Variants in NCKAP1 observed in about 807,000 individuals in gnomAD.
NCKAP1 encodes nck-associated protein 1.
Under a neutral mutation model 151.2 loss-of-function variants are expected in NCKAP1, and 21 were observed. The ratio of observed to expected loss-of-function variants is 0.14; its 90% CI spans 0.10 to 0.20. The LOEUF (loss-of-function observed/expected upper bound fraction) is 0.20. Ranked by LOEUF, NCKAP1 falls within the 10% of genes least tolerant of loss-of-function variation. The probability of loss-of-function intolerance (pLI) is 1.00; values close to 1 mark genes in which losing one functional copy is unlikely to be tolerated. For missense variants in NCKAP1, 933 were observed against 1,352.1 expected (o/e 0.69, Z 4.86); for synonymous variants, 484 against 451.8 (o/e 1.07, Z -0.90).
At chr2:183,013,849 T>C (rs901351380) in intron 2 of NCKAP1, among the ~76,000 whole-genome samples, 1 of 152,186 alleles carries the variant, frequency 6.6e-6, no homozygotes. Context: ...TCCTTGTTCC[T>C]GAACATGCCA....
chr2:183,037,753 C>T (rs1699131689), intron 1 of NCKAP1, among the ~76,000 whole-genome samples: 1 of 152,140 alleles, frequency 6.6e-6, no homozygotes, highest in South Asian at 2.1e-4. Flanking sequence ...CCGATCCCGC[C>T]GCCGGGAGCC....
intron 8 of NCKAP1, among the ~76,000 whole-genome samples, chr2:182,992,879 T>C (rs2105865870): frequency 6.6e-6 from 1 of 152,320 alleles, no homozygotes; most frequent in East Asian, 1.9e-4. Context: ...CTGAATCTAG[T>C]AATAAAAACT....
chr2:182,976,300 C>CT (rs1697822293), intron 15 of NCKAP1, among the ~76,000 whole-genome samples: 1 of 152,126 alleles, frequency 6.6e-6, no homozygotes, highest in Non-Finnish European at 1.5e-5. Context: ...AATGAACACT[C>CT]TAAGTCTAAT....
intron 1 of NCKAP1, among the ~76,000 whole-genome samples, chr2:183,029,079 T>C (rs1189148513): frequency 6.6e-6 from 1 of 151,936 alleles, no homozygotes; most frequent in Non-Finnish European, 1.5e-5. Flanking sequence ...ATCGCGCCAC[T>C]GCACTCCAGC....
rs746124421 is a variant in NCKAP1 at position 182,964,530 on chromosome 2, G to C, written c.1761+146C>G. 8.0e-6 allele frequency: 4 copies of C among 500,824 alleles called. No individual in the cohort carries two copies. The East Asian group carries it at 1.4e-4, about 17-fold the overall frequency. 31.0% of individuals were successfully genotyped at this position (500,824 alleles called of 1,614,324 possible). On this transcript the variant is annotated intron_variant, in intron 17 of 30. Transcript: ENST00000361354. The stretch of plus-strand genomic sequence containing the variant: ...ATATATATATTAAACCTATGTATCT[G>C]TTCAAGCACTTTTCTGATTCTGCAT...
intron 8 of NCKAP1, 104 bp downstream of exon 8, chr2:182,994,735 G>C: frequency 1.1e-6 from 1 of 891,702 alleles, no homozygotes; most frequent in South Asian, 1.5e-5. Flanking sequence ...ACATAGATGG[G>C]TTAGCACAAT....
intron 24 of NCKAP1, among the ~76,000 whole-genome samples, chr2:182,937,445 G>A (rs1033758131): frequency 6.6e-6 from 1 of 152,120 alleles, no homozygotes; most frequent in African/African-American, 2.4e-5. Flanking sequence ...GTGGGTCTTG[G>A]ACCAGGCAAA....
rs2105802243 is a variant in NCKAP1 at position 182,932,922 on chromosome 2, T to TCA, written c.2859+1829_2859+1830insTG. Among the ~76,000 whole-genome samples the TCA allele has an allele frequency of 2.6e-5, 4 of 152,278 alleles. No homozygotes were observed. The South Asian group carries it at 8.3e-4, about 32-fold the overall frequency. Reference sequence around the variant, plus strand: ...TCACAAGACAATCACTGATCTCAAATGTTTATTCTGCACAAAACACTGTAA... The same window carrying TCA: ...TCACAAGACAATCACTGATCTCAAATCAGTTTATTCTGCACAAAACACTGTAA... On this transcript the variant is annotated intron_variant, in intron 26 of 30. Coordinates refer to ENST00000361354, the MANE Select transcript of NCKAP1 (RefSeq NM_013436.5).
rs1696435273 is a variant in NCKAP1, at chr2:182,914,238, G to A, written c.*11464C>T. The A allele has an allele frequency of 6.6e-6, 1 of 152,146 alleles. No individual in the cohort carries two copies. The allele number at this position is 152,146 out of a possible 1,614,324, so 9.4% of individuals were successfully genotyped here. On this transcript the variant is annotated 3_prime_UTR_variant, in exon 31 of 31. Transcript: ENST00000361354. ...TTCTGTCCTCAGTATCTAGCACATAGTAGGTATTTTAAAAACTATATTCAT... is the reference window on the plus strand; with the variant it reads ...TTCTGTCCTCAGTATCTAGCACATAATAGGTATTTTAAAAACTATATTCAT...
intron 24 of NCKAP1, among the ~76,000 whole-genome samples, chr2:182,938,846 G>A (rs1243983056): frequency 6.6e-6 from 1 of 152,160 alleles, no homozygotes; most frequent in Non-Finnish European, 1.5e-5. Context: ...AAAGCTGAGA[G>A]GCATAAAAGT....
intron 22 of NCKAP1, 124 bp downstream of exon 22, chr2:182,952,669 A>G (rs1697237980): frequency 8.5e-7 from 1 of 1,171,176 alleles, no homozygotes. Flanking sequence ...CTAAGATACA[A>G]TATGCAGTTA....
chr2:182,926,674 C>G, intron 30 of NCKAP1, 142 bp downstream of exon 30: 1 of 541,204 alleles, frequency 1.8e-6, no homozygotes. Context: ...TCAGTCTTCT[C>G]TGCAAATTTT....
intron 23 of NCKAP1, among the ~76,000 whole-genome samples, chr2:182,948,607 T>C (rs1414069049): frequency 6.6e-6 from 1 of 152,078 alleles, no homozygotes. Flanking sequence ...ATAAAATCTG[T>C]ACTCAAAAAA....
At chr2:182,985,269 T>C (rs971174266) in intron 10 of NCKAP1, among the ~76,000 whole-genome samples, 2 of 152,200 alleles carry the variant, frequency 1.3e-5, no homozygotes, top group Non-Finnish European at 2.9e-5. Flanking sequence ...CTCTGCCTTA[T>C]ATAGAAATAC....
chr2:182,909,712 G>A lies in NCKAP1; in HGVS notation c.*15990C>T, dbSNP rs1696358436. 6.6e-6 allele frequency: 1 copy of A among 152,132 alleles called. No homozygotes were observed. Among genetic ancestry groups the A allele is most frequent in the Non-Finnish European group, 1.5e-5 (1 of 68,018 alleles). 9.4% of individuals were successfully genotyped at this position (152,132 alleles called of 1,614,324 possible). A position where few individuals can be genotyped will look rare whatever the true frequency, so the allele number is the denominator to read the frequency against. On this transcript the variant is annotated 3_prime_UTR_variant, in exon 31 of 31. Coordinates refer to ENST00000361354, the MANE Select transcript of NCKAP1 (RefSeq NM_013436.5). ...CCTTGAGAAGATATTTAGGGCACAG[G>A]ACACCAAAATACAAATAAGTCAACT...
At chr2:183,010,313 C>G (rs572137935) in intron 2 of NCKAP1, among the ~76,000 whole-genome samples, 1 of 152,180 alleles carries the variant, frequency 6.6e-6, no homozygotes, top group African/African-American at 2.4e-5. Context: ...ACTGCCCTGA[C>G]GTGCTGTATG....
At chr2:183,007,169 G>A (rs894116714) in intron 2 of NCKAP1, among the ~76,000 whole-genome samples, 1 of 152,050 alleles carries the variant, frequency 6.6e-6, no homozygotes, top group Non-Finnish European at 1.5e-5. Flanking sequence ...CACTGTACCC[G>A]GCCTCAATAC....
chr2:183,033,122 CACTT>C (rs1699037855), intron 1 of NCKAP1, among the ~76,000 whole-genome samples: 2 of 152,312 alleles, frequency 1.3e-5, no homozygotes, highest in South Asian at 4.1e-4. Context: ...CTACCTTAAA[CACTT>C]ACATTAGACT....
rs1697471770 is a variant in NCKAP1, at chr2:182,962,314, T to C, written c.1762-36A>G. Reference sequence around the variant, plus strand: ...AGAATAATAATAATAATACAAGTTATAAAGAAAGTACGTTGAATTAAAAAG... The same window carrying C: ...AGAATAATAATAATAATACAAGTTACAAAGAAAGTACGTTGAATTAAAAAG... On this transcript the variant is annotated intron_variant, in intron 17 of 30. Transcript: ENST00000361354. 11 of 1,541,972 alleles carry C rather than the reference T, an allele frequency of 7.1e-6. No individual in the cohort carries two copies. In the African/African-American group the frequency reaches 8.3e-5, roughly 12 times the overall value.
Sources: gnomAD v4.1 joint callset for allele counts (sites outside exome capture counted in the v4.1 genomes callset) on GRCh38, gnomAD v4.1.1 for gene constraint, MANE v1.5 for transcripts, NCBI Gene and HGNC (gene_info 2026-07-23, HGNC 2026-07-21) for gene names.